Variants in NR5A2 observed in about 807,000 individuals in gnomAD.
NR5A2 encodes the protein nuclear receptor subfamily 5 group A member 2.
In NR5A2, 26 loss-of-function variants were observed where a neutral mutation model predicts 62.7. The ratio of observed to expected loss-of-function variants is 0.41; its 90% CI spans 0.30 to 0.58. The LOEUF is 0.58. Among genes scored for constraint, NR5A2 ranks in the 20% least tolerant of loss-of-function variants. The pLI, the probability that NR5A2 is intolerant of heterozygous loss-of-function variation, is 0.22. For synonymous variants in NR5A2, 246 were observed against 241.7 expected (o/e 1.02, Z -0.16); for missense variants, 541 against 669.1 (o/e 0.81, Z 2.11).
chr1:200,079,856 G>C (rs1664211295), intron 5 of NR5A2, among the ~76,000 whole-genome samples: 1 of 134,466 alleles, frequency 7.4e-6, no homozygotes, highest in Non-Finnish European at 1.6e-5. Flanking sequence ...CTTGATAAGG[G>C]TGGCCTTGTT....
intron 2 of NR5A2, among the ~76,000 whole-genome samples, chr1:200,040,382 C>T (rs533614255): frequency 6.6e-6 from 1 of 152,348 alleles, no homozygotes; most frequent in East Asian, 1.9e-4. Context: ...AACCCCATCC[C>T]CTGTACGCGT....
chr1:200,171,088 A>C (rs573201489), intron 7 of NR5A2, among the ~76,000 whole-genome samples: 1 of 152,042 alleles, frequency 6.6e-6, no homozygotes, highest in Non-Finnish European at 1.5e-5. Context: ...AGAAGCCAGC[A>C]TCAAGGCAGG....
At chr1:200,099,241 T>A (rs1361641619) in intron 5 of NR5A2, among the ~76,000 whole-genome samples, 5 of 152,174 alleles carry the variant, frequency 3.3e-5, no homozygotes, top group Admixed American at 6.5e-5. Context: ...TTTTGGTGAG[T>A]AATATTTAGG....
chr1:200,123,701 G>GT (rs901667175), intron 7 of NR5A2, among the ~76,000 whole-genome samples: 1 of 151,584 alleles, frequency 6.6e-6, no homozygotes, highest in African/African-American at 2.4e-5. Context: ...ACCAAGAACA[G>GT]TGCTAGAAAC....
chr1:200,098,873 A>G (rs1243456493), intron 5 of NR5A2, among the ~76,000 whole-genome samples: 1 of 152,188 alleles, frequency 6.6e-6, no homozygotes, highest in African/African-American at 2.4e-5. Flanking sequence ...TGGCATAAAT[A>G]TTTCCCACTA....
chr1:200,090,739 A>T (rs1163407852), intron 5 of NR5A2, among the ~76,000 whole-genome samples: 3 of 152,116 alleles, frequency 2.0e-5, no homozygotes, highest in Non-Finnish European at 4.4e-5. Flanking sequence ...GTGAGACTGT[A>T]CTCCTGGAGG....
intron 5 of NR5A2, among the ~76,000 whole-genome samples, chr1:200,094,168 C>CA (rs1345244253): frequency 1.5e-4 from 21 of 136,406 alleles, no homozygotes; most frequent in Admixed American, 6.0e-4. Context: ...GACGCTGTCT[C>CA]AAAAAAAAAA....
chr1:200,120,009 A>G (rs955962710), intron 6 of NR5A2, among the ~76,000 whole-genome samples: 4 of 152,092 alleles, frequency 2.6e-5, no homozygotes, highest in Admixed American at 1.3e-4. Context: ...CTGTCTTTAG[A>G]GAGAAACACA....
intron 5 of NR5A2, among the ~76,000 whole-genome samples, chr1:200,080,347 G>GA (rs1188750429): frequency 5.3e-5 from 8 of 152,112 alleles, no homozygotes; most frequent in African/African-American, 1.9e-4. Context: ...AATGTTCATA[G>GA]ACTTAATATT....
intron 5 of NR5A2, among the ~76,000 whole-genome samples, chr1:200,104,297 T>C (rs1665541333): frequency 6.6e-6 from 1 of 152,258 alleles, no homozygotes; most frequent in Admixed American, 6.5e-5. Context: ...TTTTTAGTGC[T>C]TGTTTAATCA....
chr1:200,159,579 T>C (rs1653542469), intron 7 of NR5A2, among the ~76,000 whole-genome samples: 1 of 152,110 alleles, frequency 6.6e-6, no homozygotes, highest in African/African-American at 2.4e-5. Flanking sequence ...ACTGGTTATT[T>C]TGTAGAGATT....
chr1:200,028,847 C>T (rs577969705), intron 1 of NR5A2, among the ~76,000 whole-genome samples: 171 of 152,272 alleles, frequency 1.1e-3, no homozygotes, highest in Middle Eastern at 3.4e-3. Context: ...AGTTTTTCCT[C>T]TTTTTTCCTT....
intron 5 of NR5A2, among the ~76,000 whole-genome samples, chr1:200,077,771 G>A (rs1664107935): frequency 6.6e-6 from 1 of 152,186 alleles, no homozygotes. Flanking sequence ...TAGTAGTTGT[G>A]TGGTTCCGTC....
chr1:200,077,272 C>T (rs1456792477), intron 5 of NR5A2, among the ~76,000 whole-genome samples: 2 of 152,186 alleles, frequency 1.3e-5, no homozygotes, highest in African/African-American at 4.8e-5. Flanking sequence ...TTTTAAACAA[C>T]AGCCAAAGGA....
chr1:200,135,938 G>C (rs908787678), intron 7 of NR5A2, among the ~76,000 whole-genome samples: 2 of 152,138 alleles, frequency 1.3e-5, no homozygotes, highest in Non-Finnish European at 2.9e-5. Flanking sequence ...AGCAATAACT[G>C]ATACATTAAT....
At chr1:200,036,955 C>T (rs1425383297) in intron 1 of NR5A2, among the ~76,000 whole-genome samples, 1 of 152,180 alleles carries the variant, frequency 6.6e-6, no homozygotes, top group Non-Finnish European at 1.5e-5. Flanking sequence ...AACCCAGTCC[C>T]CAGCCACCGT....
intron 5 of NR5A2, among the ~76,000 whole-genome samples, chr1:200,076,486 G>A (rs914258147): frequency 1.3e-5 from 2 of 149,368 alleles, no homozygotes; most frequent in East Asian, 1.9e-4. Context: ...CAGGCTAACC[G>A]TATCTTATTT....
chr1:200,102,027 C>T (rs1665396891), intron 5 of NR5A2, among the ~76,000 whole-genome samples: 1 of 152,144 alleles, frequency 6.6e-6, no homozygotes. Flanking sequence ...AGATGTCACT[C>T]ACTTATGTAA....
intron 1 of NR5A2, among the ~76,000 whole-genome samples, chr1:200,035,415 C>G (rs1406544001): frequency 1.3e-5 from 2 of 151,976 alleles, no homozygotes; most frequent in African/African-American, 4.8e-5. Context: ...CCTGAAAATC[C>G]TGATATTTTT....
Sources: gnomAD v4.1 joint callset for allele counts (sites outside exome capture counted in the v4.1 genomes callset) on GRCh38, gnomAD v4.1.1 for gene constraint, MANE v1.5 for transcripts, NCBI Gene and HGNC (gene_info 2026-07-23, HGNC 2026-07-21) for gene names.